FEZ2: variants seen among roughly 807,000 people sequenced by gnomAD.
The protein encoded by FEZ2 is fasciculation and elongation protein zeta-2.
FEZ2 carries 51 observed loss-of-function variants against 40.4 expected under a neutral mutation model. That is an observed-to-expected ratio of 1.26 (90% CI 1.01 to 1.59). The LOEUF (loss-of-function observed/expected upper bound fraction) is 1.59, where lower values mean the gene tolerates loss of function less well. Ranked by LOEUF, FEZ2 falls within the 40% of genes most tolerant of loss-of-function variation. FEZ2 has a pLI of 0.00. For synonymous variants in FEZ2, 242 were observed against 172.0 expected (o/e 1.41, Z -3.18); for missense variants, 640 against 438.3 (o/e 1.46, Z -4.11).
At chr2:36,580,452 T>C (rs1003700959) in intron 4 of FEZ2, among the ~76,000 whole-genome samples, 8 of 152,196 alleles carry the variant, frequency 5.3e-5, no homozygotes, top group Non-Finnish European at 7.3e-5. Flanking sequence ...GGACCAGTCA[T>C]ATGGCAATGA....
intron 5 of FEZ2, among the ~76,000 whole-genome samples, chr2:36,560,173 A>T (rs1158920398): frequency 6.6e-6 from 1 of 152,250 alleles, no homozygotes; most frequent in African/African-American, 2.4e-5. Flanking sequence ...ATTATACAAA[A>T]ATGTGAATAA....
chr2:36,560,991 T>C, intron 5 of FEZ2: 1 of 529,778 alleles, frequency 1.9e-6, no homozygotes, highest in East Asian at 3.0e-5. Context: ...CCACTACTCA[T>C]CCAGATAAAG....
At chr2:36,581,560 G>A (rs1272307272) in intron 3 of FEZ2, 129 bp from the exon 4 acceptor site, 4 of 736,918 alleles carry the variant, frequency 5.4e-6, no homozygotes, top group Non-Finnish European at 9.0e-6. Context: ...TGGTGTTCAG[G>A]TGTGGATGCT....
chr2:36,584,420 A>G (rs947302765), intron 2 of FEZ2, among the ~76,000 whole-genome samples: 1 of 152,162 alleles, frequency 6.6e-6, no homozygotes, highest in African/African-American at 2.4e-5. Flanking sequence ...ACCAATATAA[A>G]CAGCCTTAGA....
chr2:36,598,119 C>G lies in FEZ2; in HGVS notation c.24G>C (p.Gln8His). 2 of 1,484,822 alleles carry G rather than the reference C, an allele frequency of 1.3e-6. No homozygotes were observed. Among genetic ancestry groups the G allele is most frequent in the Non-Finnish European group, 1.8e-6 (2 of 1,125,044 alleles). The allele number at this position is 1,484,822 out of a possible 1,614,324, so 92.0% of individuals were successfully genotyped here. A position where few individuals can be genotyped will look rare whatever the true frequency, so the allele number is the denominator to read the frequency against. The change falls in exon 1 of 8, where the codon CAG (glutamine) becomes CAC (histidine). Residue 8 changes from glutamine to histidine, a missense_variant. Gln to His is a conservative substitution (Grantham distance 24). Coordinates refer to ENST00000405912, the MANE Select transcript of FEZ2 (RefSeq NM_005102.3). ...CCGGCTCCTGGAACTCATAGAAATCCTGCCAGTCCCCGTCCGCCGCCATCG... is the reference window on the plus strand; with the variant it reads ...CCGGCTCCTGGAACTCATAGAAATCGTGCCAGTCCCCGTCCGCCGCCATCG... Reference protein sequence around the residue: MAADGDWQDFYEFQEPAR... With the variant: MAADGDWHDFYEFQEPAR...
chr2:36,563,694 C>G (rs888256635), intron 5 of FEZ2, among the ~76,000 whole-genome samples: 1 of 152,114 alleles, frequency 6.6e-6, no homozygotes, highest in African/African-American at 2.4e-5. Context: ...CCGAAATTCT[C>G]AAACCCTCAA....
Position 36,596,630 on chromosome 2 carries a change from ATTTT to A in FEZ2, c.266+1243_266+1246del, listed in dbSNP as rs919232844. 2.0e-5 allele frequency among the ~76,000 whole-genome samples: 3 copies of A among 151,568 alleles called. No homozygotes were observed. In the East Asian group the frequency reaches 5.8e-4, roughly 29 times the overall value. ...GGGCATGCGCCACCGGACTTCACTA[ATTTT>A]TTTTTAATTTTTTTGTAAAGACCAG... On this transcript the variant is annotated intron_variant, in intron 1 of 7. Transcript: ENST00000405912.
chr2:36,573,312 T>C (rs908713445), intron 5 of FEZ2, among the ~76,000 whole-genome samples: 4 of 152,220 alleles, frequency 2.6e-5, no homozygotes, highest in African/African-American at 9.6e-5. Context: ...TAGGCCATAA[T>C]GCCCAGACAA....
At chr2:36,593,236 G>A (rs929603100) in intron 1 of FEZ2, among the ~76,000 whole-genome samples, 1 of 152,130 alleles carries the variant, frequency 6.6e-6, no homozygotes, top group African/African-American at 2.4e-5. Context: ...CATGGTGGCA[G>A]CAAGAGAAAA....
intron 5 of FEZ2, among the ~76,000 whole-genome samples, chr2:36,560,564 G>T (rs1226517676): frequency 6.6e-6 from 1 of 152,190 alleles, no homozygotes; most frequent in Non-Finnish European, 1.5e-5. Flanking sequence ...CACGTCTTAA[G>T]AATGCATTTA....
rs74510041 is a variant in FEZ2 at position 36,559,703 on chromosome 2, A to C, written c.904-1190T>G. On this transcript the variant is annotated intron_variant, in intron 5 of 7. Coordinates refer to ENST00000405912, the MANE Select transcript of FEZ2 (RefSeq NM_005102.3). ...TGGCTTCACTCTGCATGTGTGAGGC[A>C]ACCTGGAGAGGCACCAGGCGGCTGC... Among the ~76,000 whole-genome samples the C allele has an allele frequency of 6.1e-4, 93 of 152,334 alleles. 1 individual carries two copies. The highest frequency in any genetic ancestry group is 2.2e-3 in the African/African-American group (92 of 41,582).
intron 7 of FEZ2, 148 bp from the exon 8 acceptor site, chr2:36,553,327 T>TTA: frequency 1.5e-6 from 1 of 649,476 alleles, no homozygotes; most frequent in South Asian, 2.0e-5. Context: ...TTTAAAGGTT[T>TTA]TAAGAGGCTA....
chr2:36,575,493 T>C (rs140487108), intron 5 of FEZ2, among the ~76,000 whole-genome samples: 269 of 152,148 alleles, frequency 1.8e-3, no homozygotes, highest in African/African-American at 6.2e-3. Context: ...CCACTGTATC[T>C]TGAAGAACAC....
intron 2 of FEZ2, among the ~76,000 whole-genome samples, chr2:36,587,807 T>A (rs1054280528): frequency 6.6e-6 from 1 of 151,906 alleles, no homozygotes; most frequent in Non-Finnish European, 1.5e-5. Flanking sequence ...AAAAAAAAAA[T>A]GCTTAATTAT....
intron 2 of FEZ2, among the ~76,000 whole-genome samples, chr2:36,583,805 T>A (rs1319726547): frequency 1.3e-5 from 2 of 152,208 alleles, no homozygotes; most frequent in African/African-American, 4.8e-5. Flanking sequence ...CAACACACAC[T>A]AAGATTGGTA....
At chr2:36,597,833 T>G in intron 1 of FEZ2, 44 bp downstream of exon 1, 1 of 1,308,988 alleles carries the variant, frequency 7.6e-7, no homozygotes, top group Non-Finnish European at 9.7e-7. Context: ...GGGCGAGGGG[T>G]AGGGGAGGCT....
intron 5 of FEZ2, among the ~76,000 whole-genome samples, chr2:36,568,909 A>G (rs1160676939): frequency 3.3e-5 from 5 of 152,214 alleles, no homozygotes; most frequent in Non-Finnish European, 7.3e-5. Flanking sequence ...AACAGGATAT[A>G]GATTTATAAA....
chr2:36,559,583 T>C (rs74621252), intron 5 of FEZ2, among the ~76,000 whole-genome samples: 1,824 of 152,364 alleles, frequency 0.012, 39 homozygotes, highest in African/African-American at 0.042. Context: ...CACCGTCTTT[T>C]TGACGTAGAC....
chr2:36,581,220 A>T (rs1405828994), intron 4 of FEZ2, 70 bp downstream of exon 4: 3 of 1,337,610 alleles, frequency 2.2e-6, no homozygotes, highest in Non-Finnish European at 3.1e-6. Context: ...AGCTTTCTGG[A>T]GATGATCATA....
Sources: allele counts gnomAD v4.1 joint callset (sites outside exome capture counted in the v4.1 genomes callset), GRCh38; gene constraint gnomAD v4.1.1; transcripts MANE v1.5; gene names NCBI Gene and HGNC (gene_info 2026-07-23, HGNC 2026-07-21).